CSMD1: variants seen among roughly 807,000 people sequenced by gnomAD.
The protein encoded by CSMD1 is CUB and Sushi multiple domains 1.
CSMD1 carries 213 observed loss-of-function variants against 417.5 expected under a neutral mutation model. The observed-to-expected ratio is 0.51, with a 90% CI of 0.46 to 0.57. The LOEUF (loss-of-function observed/expected upper bound fraction) is 0.57. CSMD1 is among the 20% of genes least tolerant of loss of function. CSMD1 has a pLI of 0.00. For missense variants in CSMD1, 6,923 were observed against 4,529.7 expected, an observed-to-expected ratio of 1.53 and a Z score of -15.17; for synonymous variants, 2,862 against 1,736.8, an observed-to-expected ratio of 1.65 and a Z score of -16.11.
chr8:3,817,515 G>C (rs1027188897), intron 5 of CSMD1, among the ~76,000 whole-genome samples: 2 of 151,784 alleles, frequency 1.3e-5, no homozygotes, highest in Admixed American at 6.6e-5. Context: ...TCCTGACCTT[G>C]TGATCCACCC....
intron 42 of CSMD1, among the ~76,000 whole-genome samples, chr8:3,114,074 CA>C (rs1019104563): frequency 1.4e-4 from 21 of 151,884 alleles, no homozygotes; most frequent in Admixed American, 3.3e-4. Flanking sequence ...AACAAACAAA[CA>C]AACAAACAAA....
At chr8:4,401,717 G>C (rs570565797) in intron 3 of CSMD1, among the ~76,000 whole-genome samples, 2 of 152,040 alleles carry the variant, frequency 1.3e-5, no homozygotes, top group East Asian at 1.9e-4. Context: ...CCTTCTTTGA[G>C]AATTCCCTTA....
At chr8:4,251,740 G>A (rs930155203) in intron 3 of CSMD1, among the ~76,000 whole-genome samples, 3 of 152,080 alleles carry the variant, frequency 2.0e-5, no homozygotes, top group Admixed American at 6.5e-5. Context: ...CGTCACAGTT[G>A]TGACATCTCA....
At chr8:3,740,523 G>T (rs979089276) in intron 6 of CSMD1, among the ~76,000 whole-genome samples, 2 of 152,214 alleles carry the variant, frequency 1.3e-5, no homozygotes, top group Non-Finnish European at 2.9e-5. Context: ...CGATGGATGT[G>T]ATATACAGAC....
intron 49 of CSMD1, among the ~76,000 whole-genome samples, chr8:3,062,925 T>C (rs1047266389): frequency 2.0e-5 from 3 of 152,120 alleles, no homozygotes; most frequent in Non-Finnish European, 4.4e-5. Context: ...TAAACTGTCT[T>C]TTTTTCGGAA....
intron 52 of CSMD1, among the ~76,000 whole-genome samples, chr8:3,010,692 G>A (rs375863030): frequency 1.4e-4 from 21 of 151,692 alleles, no homozygotes; most frequent in African/African-American, 3.9e-4. Flanking sequence ...ACTCTCACCT[G>A]GATTTCTCAA....
chr8:3,846,154 G>A (rs754666437), intron 5 of CSMD1, among the ~76,000 whole-genome samples: 1 of 152,114 alleles, frequency 6.6e-6, no homozygotes. Context: ...TCAGGATCAA[G>A]CATTATGCAT....
chr8:4,117,661 C>T (rs1160382792), intron 3 of CSMD1, among the ~76,000 whole-genome samples: 1 of 152,094 alleles, frequency 6.6e-6, no homozygotes, highest in East Asian at 1.9e-4. Context: ...TTCTGGGTGC[C>T]AAATAGACAG....
chr8:4,848,474 G>A (rs947961319), intron 1 of CSMD1, among the ~76,000 whole-genome samples: 1 of 152,032 alleles, frequency 6.6e-6, no homozygotes, highest in African/African-American at 2.4e-5. Flanking sequence ...TGATGTTGGT[G>A]CAAACAAATC....
At chr8:4,694,551 G>T (rs1732743153) in intron 1 of CSMD1, among the ~76,000 whole-genome samples, 1 of 151,774 alleles carries the variant, frequency 6.6e-6, no homozygotes. Flanking sequence ...TTTTAGTAGA[G>T]ACGGGGTTTC....
intron 10 of CSMD1, among the ~76,000 whole-genome samples, chr8:3,514,019 A>G (rs1270763412): frequency 6.6e-6 from 1 of 152,174 alleles, no homozygotes; most frequent in Non-Finnish European, 1.5e-5. Context: ...GTACAGAAAA[A>G]TAATTTTCTT....
chr8:4,143,447 T>C (rs1340166735), intron 3 of CSMD1, among the ~76,000 whole-genome samples: 1 of 150,768 alleles, frequency 6.6e-6, no homozygotes, highest in East Asian at 1.9e-4. Context: ...CTTTGGTAAA[T>C]TTGTTTTATT....
intron 5 of CSMD1, among the ~76,000 whole-genome samples, chr8:3,931,833 G>C (rs1810167727): frequency 6.8e-6 from 1 of 147,916 alleles, no homozygotes; most frequent in African/African-American, 2.5e-5. Context: ...GCAGAGGACT[G>C]GGCTATCTTT....
intron 1 of CSMD1, among the ~76,000 whole-genome samples, chr8:4,985,943 T>G (rs1811156477): frequency 6.6e-6 from 1 of 152,184 alleles, no homozygotes; most frequent in Non-Finnish European, 1.5e-5. Flanking sequence ...TGATGAATTG[T>G]TAGTTTCTTG....
intron 18 of CSMD1, among the ~76,000 whole-genome samples, chr8:3,378,396 T>C (rs545341327): frequency 1.3e-5 from 2 of 152,274 alleles, no homozygotes; most frequent in East Asian, 1.9e-4. Context: ...TAACTCATTT[T>C]ATGAGGGCAG....
At chr8:3,266,109 A>T (rs1158625287) in intron 26 of CSMD1, among the ~76,000 whole-genome samples, 1 of 151,432 alleles carries the variant, frequency 6.6e-6, no homozygotes, top group Admixed American at 6.6e-5. Context: ...TTAATTTGCA[A>T]AGAGAGAGTA....
chr8:3,488,705 G>C (rs1818197925), intron 11 of CSMD1, among the ~76,000 whole-genome samples: 1 of 152,134 alleles, frequency 6.6e-6, no homozygotes, highest in Non-Finnish European at 1.5e-5. Context: ...AACGCTTCCA[G>C]ATAAGAGGCC....
intron 26 of CSMD1, among the ~76,000 whole-genome samples, chr8:3,270,706 A>C (rs563463780): frequency 1.3e-5 from 2 of 152,136 alleles, no homozygotes; most frequent in African/African-American, 2.4e-5. Flanking sequence ...ACTTTAAACT[A>C]TTTATCAACA....
chr8:3,454,932 G>A (rs568021232), intron 12 of CSMD1, among the ~76,000 whole-genome samples: 50 of 152,228 alleles, frequency 3.3e-4, no homozygotes, highest in African/African-American at 9.6e-4. Context: ...CATTCTCCCC[G>A]TCACTTTCAG....
Sources: allele counts gnomAD v4.1 joint callset (sites outside exome capture counted in the v4.1 genomes callset), GRCh38; gene constraint gnomAD v4.1.1; transcripts MANE v1.5; gene names NCBI Gene and HGNC (gene_info 2026-07-23, HGNC 2026-07-21).